The following DSTN variants were observed in gnomAD, a reference collection of about 807,000 sequenced individuals.
DSTN encodes destrin, actin depolymerizing factor.
Under a neutral mutation model 16.8 loss-of-function variants are expected in DSTN, and 10 were observed. The observed-to-expected ratio is 0.60, with a 90% confidence interval of 0.37 to 1.01. The LOEUF is 1.01. Ranked by LOEUF, DSTN falls within the 50% of genes least tolerant of loss-of-function variation. The pLI is 0.01. For synonymous variants in DSTN, 57 were observed against 58.9 expected (o/e 0.97, Z 0.14); for missense variants, 141 against 196.7 (o/e 0.72, Z 1.69).
rs1480848473 is a variant in DSTN, at chr20:17,608,804, T to C, written c.*1658T>C. On this transcript the variant is annotated 3_prime_UTR_variant, in exon 4 of 4. Transcript: ENST00000246069. ...CATTGTCCTACCACATGCCATCACA[T>C]GGTTAGCATTTTGATACACAGCTGT... The C allele has an allele frequency of 6.6e-6, 1 of 152,174 alleles. No individual in the cohort carries two copies. The highest frequency in any genetic ancestry group is 1.5e-5 in the Non-Finnish European group (1 of 68,030). 9.4% of individuals were successfully genotyped at this position (152,174 alleles called of 1,614,324 possible).
intron 2 of DSTN, among the ~76,000 whole-genome samples, chr20:17,603,514 CTG>C (rs1264609377): frequency 6.6e-6 from 1 of 152,184 alleles, no homozygotes; most frequent in African/African-American, 2.4e-5. Context: ...TGCATCTTCT[CTG>C]TGATATTTTA....
At chr20:17,582,448 A>G (rs1380703371) in intron 1 of DSTN, among the ~76,000 whole-genome samples, 7 of 152,208 alleles carry the variant, frequency 4.6e-5, no homozygotes, top group African/African-American at 1.7e-4. Flanking sequence ...TGCAGATTTT[A>G]TACGTATTAT....
intron 1 of DSTN, among the ~76,000 whole-genome samples, chr20:17,592,311 C>T (rs1379137229): frequency 6.6e-6 from 1 of 151,740 alleles, no homozygotes; most frequent in Admixed American, 6.6e-5. Flanking sequence ...CCTCTAGTCC[C>T]AGCTACTCAG....
chr20:17,598,769 T>TA (rs758762715), intron 1 of DSTN, among the ~76,000 whole-genome samples: 96 of 152,232 alleles, frequency 6.3e-4, no homozygotes, highest in Middle Eastern at 3.4e-3. Context: ...CCCTTTTTAT[T>TA]AAAAAAATTT....
At position 17,607,978 on chromosome 20, in the gene DSTN, G is replaced by A. The variant is rs1878078172; in HGVS notation, c.*832G>A. On this transcript the variant is annotated 3_prime_UTR_variant, in exon 4 of 4. Coordinates refer to ENST00000246069, the MANE Select transcript of DSTN (RefSeq NM_006870.4). ...CTCCTTCAGAAGTTTGCTTCTTATGGTATAATAAAGTATGGAAGAATATTG... is the reference window on the plus strand; with the variant it reads ...CTCCTTCAGAAGTTTGCTTCTTATGATATAATAAAGTATGGAAGAATATTG... 1 of 152,170 alleles carries A rather than the reference G, an allele frequency of 6.6e-6. No individual in the cohort carries two copies. The highest frequency in any genetic ancestry group is 6.5e-5 in the Admixed American group (1 of 15,278). The allele number at this position is 152,170 out of a possible 1,614,324, so 9.4% of individuals were successfully genotyped here.
chr20:17,587,645 TC>T (rs1377751408), intron 1 of DSTN, among the ~76,000 whole-genome samples: 9 of 152,284 alleles, frequency 5.9e-5, no homozygotes, highest in Non-Finnish European at 1.0e-4. Context: ...CTTTTTTTTT[TC>T]TTTTTTTCTC....
At chr20:17,589,091 T>C (rs2035442790) in intron 1 of DSTN, among the ~76,000 whole-genome samples, 1 of 152,202 alleles carries the variant, frequency 6.6e-6, no homozygotes. Flanking sequence ...TTATTTGAAC[T>C]TCCATATTTC....
At chr20:17,573,470 G>C (rs555489398) in intron 1 of DSTN, among the ~76,000 whole-genome samples, 2 of 151,440 alleles carry the variant, frequency 1.3e-5, no homozygotes, top group African/African-American at 4.8e-5. Flanking sequence ...GCCTTTTTTT[G>C]GTCTATTTAA....
intron 1 of DSTN, among the ~76,000 whole-genome samples, chr20:17,586,627 A>G (rs894652495): frequency 1.3e-5 from 2 of 152,350 alleles, no homozygotes; most frequent in Non-Finnish European, 2.9e-5. Context: ...ACAAATGGAA[A>G]TTACTGTTTC....
At position 17,608,177 on chromosome 20, in the gene DSTN, CACAA is replaced by C. The variant is rs975837123; in HGVS notation, c.*1035_*1038del. 1.3e-5 allele frequency: 2 copies of C among 152,142 alleles called. No individual in the cohort carries two copies. The highest frequency in any genetic ancestry group is 2.9e-5 in the Non-Finnish European group (2 of 68,034). The allele number at this position is 152,142 out of a possible 1,614,324, so 9.4% of individuals were successfully genotyped here. A position where few individuals can be genotyped will look rare whatever the true frequency, so the allele number is the denominator to read the frequency against. Reference sequence around the variant, plus strand: ...TAACACTTTGAACGATATAGAGATGCACAAACAGTTGAACTTAGAAGTAGCAGTA... The same window carrying C: ...TAACACTTTGAACGATATAGAGATGCACAGTTGAACTTAGAAGTAGCAGTA... On this transcript the variant is annotated 3_prime_UTR_variant, in exon 4 of 4. Transcript: ENST00000246069.
intron 1 of DSTN, among the ~76,000 whole-genome samples, chr20:17,591,067 C>G (rs529738763): frequency 1.2e-4 from 19 of 152,358 alleles, no homozygotes; most frequent in Non-Finnish European, 4.4e-5. Flanking sequence ...ATGATTGTGC[C>G]TCTGCACTCC....
intron 1 of DSTN, among the ~76,000 whole-genome samples, chr20:17,589,638 C>T (rs968689580): frequency 1.3e-5 from 2 of 152,162 alleles, no homozygotes; most frequent in Non-Finnish European, 2.9e-5. Flanking sequence ...TTATAGCAGC[C>T]AAAAGCCCAA....
intron 1 of DSTN, among the ~76,000 whole-genome samples, chr20:17,580,418 G>A (rs1052259594): frequency 6.6e-6 from 1 of 152,132 alleles, no homozygotes; most frequent in Non-Finnish European, 1.5e-5. Context: ...CATTTCAGCT[G>A]GTGATAAGTA....
chr20:17,582,343 T>C (rs1019926762), intron 1 of DSTN, among the ~76,000 whole-genome samples: 3 of 152,174 alleles, frequency 2.0e-5, no homozygotes, highest in Admixed American at 6.5e-5. Flanking sequence ...CCTCCCAAAG[T>C]GCTGGGATTA....
intron 1 of DSTN, among the ~76,000 whole-genome samples, chr20:17,598,657 A>G (rs1184536500): frequency 1.3e-5 from 2 of 151,998 alleles, no homozygotes; most frequent in African/African-American, 4.8e-5. Flanking sequence ...GGTTATCTTC[A>G]TCTTATATGC....
chr20:17,607,253 T>C lies in DSTN; in HGVS notation c.*107T>C. 1 of 910,926 alleles carries C rather than the reference T, an allele frequency of 1.1e-6. No homozygotes were observed. The highest frequency in any genetic ancestry group is 2.9e-5 in the Admixed American group (1 of 34,974). 56.4% of individuals were successfully genotyped at this position (910,926 alleles called of 1,614,324 possible). A position where few individuals can be genotyped will look rare whatever the true frequency, so the allele number is the denominator to read the frequency against. ...AGGGTCTCACTGAGGGGGAGCTGTC[T>C]TGTCATCTTTTAGAGTAAACTATTC... On this transcript the variant is annotated 3_prime_UTR_variant, in exon 4 of 4. Coordinates refer to ENST00000246069, the MANE Select transcript of DSTN (RefSeq NM_006870.4).
rs1462202190 is a variant in DSTN, at chr20:17,604,593, A to G, written c.350A>G (p.Tyr117Cys). Residue 117 changes from tyrosine to cysteine, a missense_variant, in exon 3 of 4, where the codon TAT (tyrosine) becomes TGT (cysteine). Transcript: ENST00000246069. ...ELAPLKSKMI[Y>C]ASSKDAIKKK... ...GCACCTCTGAAAAGTAAAATGATCT[A>G]TGCAAGCTCCAAGGATGCAATTAAA... The G allele has an allele frequency of 1.2e-6, 2 of 1,613,630 alleles. No homozygotes were observed. Among genetic ancestry groups the G allele is most frequent in the Admixed American group, 1.7e-5 (1 of 59,828 alleles).
intron 1 of DSTN, among the ~76,000 whole-genome samples, chr20:17,587,515 T>C (rs2035424271): frequency 6.6e-6 from 1 of 152,050 alleles, no homozygotes; most frequent in Admixed American, 6.5e-5. Context: ...GAATAGGTAC[T>C]TTAAAAAAAA....
At chr20:17,576,982 C>A (rs552172905) in intron 1 of DSTN, among the ~76,000 whole-genome samples, 2 of 152,314 alleles carry the variant, frequency 1.3e-5, no homozygotes, top group African/African-American at 2.4e-5. Flanking sequence ...TGAACACCAA[C>A]ATATGGAAAA....
Sources: allele counts gnomAD v4.1 joint callset (sites outside exome capture counted in the v4.1 genomes callset), GRCh38; gene constraint gnomAD v4.1.1; transcripts MANE v1.5; gene names NCBI Gene and HGNC (gene_info 2026-07-23, HGNC 2026-07-21).